The following TRPM3 variants were observed in gnomAD, a reference collection of about 807,000 sequenced individuals.
TRPM3 encodes transient receptor potential cation channel subfamily M member 3.
Under a neutral mutation model 181.2 loss-of-function variants are expected in TRPM3, and 77 were observed. The observed-to-expected ratio is 0.42, with a 90% CI of 0.35 to 0.51. The LOEUF (loss-of-function observed/expected upper bound fraction) is 0.51. Among genes scored for constraint, TRPM3 ranks in the 20% least tolerant of loss-of-function variants. The pLI is 0.01. For missense variants in TRPM3, 1,759 were observed against 2,196.7 expected (o/e 0.80, Z 3.98); for synonymous variants, 745 against 796.4 (o/e 0.94, Z 1.09).
intron 1 of TRPM3, among the ~76,000 whole-genome samples, chr9:71,016,782 T>C (rs2097788724): frequency 6.6e-6 from 1 of 152,176 alleles, no homozygotes; most frequent in African/African-American, 2.4e-5. Flanking sequence ...AGACGTGGAA[T>C]TGGTAATTCT....
At chr9:70,833,749 A>C (rs190908168) in intron 5 of TRPM3, among the ~76,000 whole-genome samples, 6 of 152,282 alleles carry the variant, frequency 3.9e-5, no homozygotes, top group Admixed American at 3.9e-4. Flanking sequence ...AAGTCCTTCT[A>C]ATAGCTGATC....
At chr9:70,561,439 T>C (rs991497484) in intron 22 of TRPM3, among the ~76,000 whole-genome samples, 8 of 152,252 alleles carry the variant, frequency 5.3e-5, no homozygotes, top group African/African-American at 1.9e-4. Flanking sequence ...GGCTCTTTGA[T>C]TGTGGTGGGT....
chr9:71,267,512 C>G (rs2083468642), intron 1 of TRPM3, among the ~76,000 whole-genome samples: 1 of 152,018 alleles, frequency 6.6e-6, no homozygotes. Context: ...GGTTGCAGCT[C>G]CTTATCCCCA....
intron 11 of TRPM3, among the ~76,000 whole-genome samples, chr9:70,636,665 T>C (rs1177288075): frequency 1.3e-5 from 2 of 151,338 alleles, no homozygotes; most frequent in Non-Finnish European, 2.9e-5. Flanking sequence ...TCTGGTGAGA[T>C]GATTAGATAA....
intron 1 of TRPM3, among the ~76,000 whole-genome samples, chr9:71,445,253 T>C (rs1271596627): frequency 6.6e-6 from 1 of 152,212 alleles, no homozygotes; most frequent in Non-Finnish European, 1.5e-5. Flanking sequence ...AGACTTCCTA[T>C]TAAAAAGAGG....
chr9:70,756,108 G>A (rs1412581845), intron 8 of TRPM3, among the ~76,000 whole-genome samples: 1 of 151,472 alleles, frequency 6.6e-6, no homozygotes, highest in East Asian at 1.9e-4. Context: ...AGGGATGGAG[G>A]AATATTTACC....
chr9:70,862,850 T>C (rs1301526597), intron 3 of TRPM3, 58 bp downstream of exon 3: 19 of 1,566,368 alleles, frequency 1.2e-5, no homozygotes, highest in Non-Finnish European at 1.6e-5. Flanking sequence ...AACCACCCCT[T>C]TGCAGGACTT....
chr9:70,874,432 A>C (rs1024823778), intron 1 of TRPM3, among the ~76,000 whole-genome samples: 2 of 152,002 alleles, frequency 1.3e-5, no homozygotes, highest in Non-Finnish European at 2.9e-5. Context: ...CATCATGCCA[A>C]AGTTATACGT....
intron 1 of TRPM3, among the ~76,000 whole-genome samples, chr9:71,036,800 C>T (rs575693750): frequency 6.6e-6 from 1 of 152,278 alleles, no homozygotes; most frequent in African/African-American, 2.4e-5. Context: ...CTGCTTTGCA[C>T]CTTTGGGATG....
intron 1 of TRPM3, among the ~76,000 whole-genome samples, chr9:71,297,786 T>C (rs139522906): frequency 2.0e-5 from 3 of 152,306 alleles, no homozygotes; most frequent in Non-Finnish European, 2.9e-5. Flanking sequence ...TCATGGCTAG[T>C]AAGCGGCAGA....
intron 1 of TRPM3, among the ~76,000 whole-genome samples, chr9:71,103,919 C>CTT (rs201494267): frequency 0.024 from 3,553 of 145,250 alleles, 143 homozygotes; most frequent in Admixed American, 0.11. Flanking sequence ...TGCAGCAATC[C>CTT]TTTTTTTTTT....
At chr9:70,609,631 G>T (rs2061719300) in intron 19 of TRPM3, among the ~76,000 whole-genome samples, 1 of 152,192 alleles carries the variant, frequency 6.6e-6, no homozygotes, top group African/African-American at 2.4e-5. Context: ...CCACAATGAA[G>T]AATTATCCTG....
chr9:71,104,393 CATT>C (rs1370437714), intron 1 of TRPM3, among the ~76,000 whole-genome samples: 3 of 152,198 alleles, frequency 2.0e-5, no homozygotes, highest in Non-Finnish European at 4.4e-5. Context: ...CAACTTGTAG[CATT>C]ATGTTTCAAA....
At chr9:70,572,665 GT>G (rs2052768148) in intron 22 of TRPM3, among the ~76,000 whole-genome samples, 1 of 152,010 alleles carries the variant, frequency 6.6e-6, no homozygotes, top group South Asian at 2.1e-4. Context: ...AGGGTTATGG[GT>G]TTTTGGAAAA....
intron 19 of TRPM3, among the ~76,000 whole-genome samples, 167 bp downstream of exon 19, chr9:70,610,442 A>G (rs922111115): frequency 2.6e-5 from 4 of 152,206 alleles, no homozygotes; most frequent in Non-Finnish European, 2.9e-5. Context: ...AAAGCTGCCT[A>G]ACAAACGCCA....
At position 71,297,957 on chromosome 9, in the gene TRPM3, C is replaced by T. The variant is rs114134544; in HGVS notation, c.183+148696G>A. Among the ~76,000 whole-genome samples the T allele has an allele frequency of 1.4e-3, 213 of 152,186 alleles. 1 individual carries two copies. The highest frequency in any genetic ancestry group is 4.9e-3 in the African/African-American group (203 of 41,526). Reference sequence around the variant, plus strand: ...CTCAGCAGACTTAAAGAGGTGATTACCAACTCATACTGGTCTCTTAAATTG... The same window carrying T: ...CTCAGCAGACTTAAAGAGGTGATTATCAACTCATACTGGTCTCTTAAATTG... On this transcript the variant is annotated intron_variant, in intron 1 of 24. Coordinates refer to the TRPM3 transcript ENST00000357533.
chr9:71,396,638 G>A (rs79079286), intron 1 of TRPM3, among the ~76,000 whole-genome samples: 1,524 of 150,470 alleles, frequency 0.01, 7 homozygotes, highest in Non-Finnish European at 0.016. Context: ...GTTAAAAGTC[G>A]AACTTTGGAA....
At chr9:71,236,591 A>C (rs2081362979) in intron 1 of TRPM3, among the ~76,000 whole-genome samples, 1 of 152,176 alleles carries the variant, frequency 6.6e-6, no homozygotes, top group South Asian at 2.1e-4. Context: ...TCTGGGAATG[A>C]ATGATCACAC....
rs1298410783 is a variant in TRPM3, at chr9:70,852,434, CTG to C, written c.463-5845_463-5844del. Among the ~76,000 whole-genome samples, 10 of 152,140 alleles carry C rather than the reference CTG, an allele frequency of 6.6e-5. No individual in the cohort carries two copies. In the South Asian group the frequency reaches 8.3e-4, roughly 13 times the overall value. On this transcript the variant is annotated intron_variant, in intron 3 of 25. Transcript: ENST00000677713. ...CTTTACCTCAAAGGTGTAAATGGCT[CTG>C]TGTCTCTGTACTTCTCCTTTTCCTT...
Sources: gnomAD v4.1 joint callset for allele counts (sites outside exome capture counted in the v4.1 genomes callset) on GRCh38, gnomAD v4.1.1 for gene constraint, MANE v1.5 for transcripts, NCBI Gene and HGNC (gene_info 2026-07-23, HGNC 2026-07-21) for gene names.